The following CADPS variants were observed in gnomAD, a reference collection of about 807,000 sequenced individuals.
CADPS encodes the protein calcium-dependent secretion activator 1.
CADPS carries 57 observed loss-of-function variants against 167.3 expected under a neutral mutation model. That is an observed-to-expected ratio of 0.34 (90% CI 0.28 to 0.42). The LOEUF (loss-of-function observed/expected upper bound fraction) is 0.42. Ranked by LOEUF, CADPS falls within the 20% of genes least tolerant of loss-of-function variation. The probability of loss-of-function intolerance (pLI) is 1.00; values close to 1 mark genes in which losing one functional copy is unlikely to be tolerated. For synonymous variants in CADPS, 676 were observed against 635.3 expected (o/e 1.06, Z -0.96); for missense variants, 1,414 against 1,738.1 (o/e 0.81, Z 3.32).
chr3:62,560,051 A>T (rs1486279402), intron 9 of CADPS, among the ~76,000 whole-genome samples: 1 of 145,390 alleles, frequency 6.9e-6, no homozygotes, highest in Non-Finnish European at 1.5e-5. Flanking sequence ...TCTTCTGGTT[A>T]TATTGCTGAA....
At chr3:62,799,210 G>A (rs1327189328) in intron 1 of CADPS, among the ~76,000 whole-genome samples, 2 of 152,140 alleles carry the variant, frequency 1.3e-5, no homozygotes, top group African/African-American at 4.8e-5. Flanking sequence ...CTGAGGAACT[G>A]TGCATTTCTT....
intron 8 of CADPS, among the ~76,000 whole-genome samples, chr3:62,573,309 T>C (rs1417200875): frequency 6.6e-6 from 1 of 152,206 alleles, no homozygotes; most frequent in Non-Finnish European, 1.5e-5. Flanking sequence ...ATTTTTATTT[T>C]TCCTTGCTTT....
intron 1 of CADPS, among the ~76,000 whole-genome samples, chr3:62,804,389 G>A (rs2221910): frequency 0.18 from 26,896 of 152,044 alleles, 2,794 homozygotes; most frequent in Middle Eastern, 0.3. Context: ...TGTTGCCAGG[G>A]GCGATTCTGG....
intron 1 of CADPS, among the ~76,000 whole-genome samples, chr3:62,797,790 C>T (rs2093526835): frequency 6.6e-6 from 1 of 151,748 alleles, no homozygotes; most frequent in Non-Finnish European, 1.5e-5. Context: ...ATGTAACAAA[C>T]CTGCACTTGC....
intron 6 of CADPS, 107 bp downstream of exon 6, chr3:62,645,615 T>C (rs1401736145): frequency 1.7e-6 from 2 of 1,198,490 alleles, no homozygotes; most frequent in Non-Finnish European, 2.4e-6. Context: ...AAGGTTTATG[T>C]CTTCTCGTAT....
chr3:62,585,514 C>T (rs1404724634), intron 7 of CADPS, among the ~76,000 whole-genome samples, 190 bp from the exon 8 acceptor site: 2 of 152,138 alleles, frequency 1.3e-5, no homozygotes, highest in Non-Finnish European at 2.9e-5. Context: ...TTCTGTAATT[C>T]TGTGATGATT....
Position 62,399,320 on chromosome 3 carries a change from G to T in CADPS, c.*86C>A. 7.5e-7 allele frequency: 1 copy of T among 1,330,982 alleles called. No individual in the cohort carries two copies. Among genetic ancestry groups the T allele is most frequent in the Non-Finnish European group, 1.1e-6 (1 of 951,188 alleles). 82.4% of individuals were successfully genotyped at this position (1,330,982 alleles called of 1,614,324 possible). ...CATCTCATGGGCATGGTAGTTGACA[G>T]AAAATTCCTAATGGGTTTAACTAAC... On this transcript the variant is annotated 3_prime_UTR_variant, in exon 30 of 30. Transcript: ENST00000383710. This position sits in a 1 kb window ranked among gnomAD's most constrained non-coding sequence, Gnocchi z 5.6.
intron 6 of CADPS, among the ~76,000 whole-genome samples, chr3:62,636,063 T>C (rs968707969): frequency 2.6e-5 from 4 of 152,168 alleles, no homozygotes; most frequent in African/African-American, 9.7e-5. Context: ...TTTCCTTTTT[T>C]ACCCTGGGTC....
intron 6 of CADPS, among the ~76,000 whole-genome samples, chr3:62,628,118 T>A (rs1183314525): frequency 6.6e-6 from 1 of 152,198 alleles, no homozygotes; most frequent in African/African-American, 2.4e-5. Context: ...CGTTCTGCTG[T>A]GTGACTTGCT....
In CADPS at chr3:62,601,022, A is replaced by G. The variant is rs1456256897; in HGVS notation, c.1326-8274T>C. Among the ~76,000 whole-genome samples, 1 of 152,124 alleles carries G rather than the reference A, an allele frequency of 6.6e-6. No individual in the cohort carries two copies. The highest frequency in any genetic ancestry group is 1.5e-5 in the Non-Finnish European group (1 of 68,026). ...GGATATGTAGGACATAAGCTATTGG[A>G]TATGTGGTGTTTACCTCAATACGTG... On this transcript the variant is annotated intron_variant, in intron 6 of 29. Coordinates refer to ENST00000383710, the MANE Select transcript of CADPS (RefSeq NM_003716.4). The surrounding 1 kb of genome is among the most constrained non-coding windows in gnomAD (Gnocchi z 4.3).
At chr3:62,845,509 T>G (rs2077272199) in intron 1 of CADPS, among the ~76,000 whole-genome samples, 1 of 152,208 alleles carries the variant, frequency 6.6e-6, no homozygotes, top group African/African-American at 2.4e-5. Flanking sequence ...ACAGCAAGTA[T>G]TCAATATATT....
At chr3:62,719,670 C>A (rs1377478908) in intron 3 of CADPS, among the ~76,000 whole-genome samples, 1 of 152,142 alleles carries the variant, frequency 6.6e-6, no homozygotes, top group Non-Finnish European at 1.5e-5. Context: ...GGTAATGCAT[C>A]CCTGGAAAAT....
intron 6 of CADPS, among the ~76,000 whole-genome samples, chr3:62,608,228 A>G (rs533801966): frequency 1.3e-5 from 2 of 152,134 alleles, no homozygotes; most frequent in East Asian, 3.9e-4. Flanking sequence ...AAACATACTA[A>G]AAACTATCTT....
intron 9 of CADPS, among the ~76,000 whole-genome samples, chr3:62,565,507 T>C (rs1429127798): frequency 6.6e-6 from 1 of 152,152 alleles, no homozygotes; most frequent in Non-Finnish European, 1.5e-5. Flanking sequence ...AAGTACGGAA[T>C]ACTGGGCCCC....
At chr3:62,717,307 C>A (rs553222636) in intron 3 of CADPS, among the ~76,000 whole-genome samples, 1 of 152,130 alleles carries the variant, frequency 6.6e-6, no homozygotes, top group Non-Finnish European at 1.5e-5. Flanking sequence ...GGTCTGGTAA[C>A]AACACAAATG....
At chr3:62,781,827 T>C (rs993469494) in intron 1 of CADPS, among the ~76,000 whole-genome samples, 2 of 152,102 alleles carry the variant, frequency 1.3e-5, no homozygotes, top group African/African-American at 4.8e-5. Flanking sequence ...GAAGCTTGTC[T>C]CTTTGATTAT....
In CADPS at chr3:62,618,338, G is replaced by A. The variant is rs2062659316; in HGVS notation, c.1326-25590C>T. On this transcript the variant is annotated intron_variant, in intron 6 of 29. Transcript: ENST00000383710. ...TAGCCCTAAACTCTTCATTTATATG[G>A]ACTAATGAAATCCTGTCTCAGTTTA... 2.6e-5 allele frequency among the ~76,000 whole-genome samples: 4 copies of A among 152,142 alleles called. No homozygotes were observed. The South Asian group carries it at 8.3e-4, about 32-fold the overall frequency.
intron 6 of CADPS, among the ~76,000 whole-genome samples, chr3:62,624,199 G>A (rs1371872266): frequency 1.4e-5 from 2 of 143,506 alleles, no homozygotes; most frequent in Non-Finnish European, 3.1e-5. Context: ...CAGTAGTAGG[G>A]AAATTTTAGG....
intron 6 of CADPS, among the ~76,000 whole-genome samples, chr3:62,607,029 C>G (rs1292969439): frequency 6.6e-6 from 1 of 152,204 alleles, no homozygotes; most frequent in Non-Finnish European, 1.5e-5. Flanking sequence ...TGGTTTGTTA[C>G]ACAGCAACAG....
Sources: gnomAD v4.1 joint callset for allele counts (sites outside exome capture counted in the v4.1 genomes callset) on GRCh38, gnomAD v4.1.1 for gene constraint, Gnocchi (gnomAD v3.1) non-coding constraint, MANE v1.5 for transcripts, NCBI Gene and HGNC (gene_info 2026-07-23, HGNC 2026-07-21) for gene names.